Variants in B3GALT9 observed in about 807,000 individuals in gnomAD.
B3GALT9 encodes UDP-GlcNAc:betaGal beta-1,3-N-acetylglucosaminyltransferase 10 (putative).
At chr9:120,796,117 C>G (rs536238529) in intron 1 of B3GALT9, among the ~76,000 whole-genome samples, 26 of 152,216 alleles carry the variant, frequency 1.7e-4, no homozygotes, top group African/African-American at 5.5e-4. Flanking sequence ...TCCTCTATGT[C>G]TAGTACAGTT....
intron 1 of B3GALT9, 96 bp from the exon 2 acceptor site, chr9:120,796,327 A>T (rs928350837): frequency 2.0e-5 from 3 of 152,302 alleles, no homozygotes; most frequent in Non-Finnish European, 2.9e-5. Context: ...CATGAAGTAC[A>T]CAGGGTTGGA....
In B3GALT9 at chr9:120,801,023, C is replaced by G. The variant is rs1216175832; in HGVS notation, c.*1345C>G. Among the ~76,000 whole-genome samples the G allele has an allele frequency of 6.6e-6, 1 of 152,182 alleles. No homozygotes were observed. The highest frequency in any genetic ancestry group is 1.5e-5 in the Non-Finnish European group (1 of 68,046). ...GTAACATAATGCACTCCAGGTTCAT[C>G]CATGTTGTTGGAAATGACAGGATTT... On this transcript the variant is annotated 3_prime_UTR_variant, in exon 3 of 3. Transcript: ENST00000689072.
In B3GALT9 at chr9:120,799,583, G is replaced by A. The variant is rs1250699715; in HGVS notation, c.1015G>A (p.Glu339Lys). Residue 339 changes from glutamate (E) to lysine (K), a missense_variant, in exon 3 of 3, where the codon GAG (glutamate) becomes AAG (lysine). Coordinates refer to ENST00000689072, the MANE Select transcript of B3GALT9 (RefSeq NM_001386823.1). ...ATGTACACTGTTTGAGACATCCTAT[G>A]AGCTCATTTCCTGCAAACTTCTGAC... The part of the protein sequence containing the change: ...KECTLFETSY[E>K]LISCKLLTYL... 2 of 399,564 alleles carry A rather than the reference G, an allele frequency of 5.0e-6. No homozygotes were observed. Among genetic ancestry groups the A allele is most frequent in the East Asian group, 7.1e-5 (2 of 28,086 alleles). The allele number at this position is 399,564 out of a possible 1,614,324, so 24.8% of individuals were successfully genotyped here.
chr9:120,793,879 G>A lies in B3GALT9; in HGVS notation c.-225G>A. 2.6e-6 allele frequency: 1 copy of A among 382,164 alleles called. No individual in the cohort carries two copies. The highest frequency in any genetic ancestry group is 4.6e-6 in the Non-Finnish European group (1 of 216,364). 23.7% of individuals were successfully genotyped at this position (382,164 alleles called of 1,614,324 possible). On this transcript the variant is annotated 5_prime_UTR_variant, in exon 1 of 3. Coordinates refer to ENST00000689072, the MANE Select transcript of B3GALT9 (RefSeq NM_001386823.1). ...GCCTTACATCTATTAGGAGGAGGAA[G>A]ACAGATAAACTAAGGCTCGTGCAAA...
At chr9:120,796,794 C>G (rs924510991) in intron 2 of B3GALT9, among the ~76,000 whole-genome samples, 185 bp downstream of exon 2, 1 of 152,104 alleles carries the variant, frequency 6.6e-6, no homozygotes, top group Non-Finnish European at 1.5e-5. Flanking sequence ...CGGTGGCTCA[C>G]GCCTGTCATC....
At chr9:120,798,450 T>A in intron 2 of B3GALT9, 125 bp from the exon 3 acceptor site, 1 of 397,744 alleles carries the variant, frequency 2.5e-6, no homozygotes. Flanking sequence ...AGATAATATA[T>A]CACAATAAAC....
At position 120,799,264 on chromosome 9, in the gene B3GALT9, G is replaced by C. The variant is rs2044956606; in HGVS notation, c.696G>C (p.Glu232Asp). 2.5e-6 allele frequency: 1 copy of C among 399,384 alleles called. No individual in the cohort carries two copies. The highest frequency in any genetic ancestry group is 3.6e-5 in the East Asian group (1 of 28,078). 24.7% of individuals were successfully genotyped at this position (399,384 alleles called of 1,614,324 possible). A position where few individuals can be genotyped will look rare whatever the true frequency, so the allele number is the denominator to read the frequency against. ...PQNRDFVPLSEYPEKYYPDYC... is the reference protein window; with the variant it reads ...PQNRDFVPLSDYPEKYYPDYC... ...ACAGAGACTTTGTCCCTCTTAGTGA[G>C]TACCCAGAAAAATACTACCCAGATT... Residue 232 changes from glutamate to aspartate, a missense_variant, in exon 3 of 3, where the codon GAG becomes GAC. Transcript: ENST00000689072.
rs2044969213 is a variant in B3GALT9 at position 120,801,568 on chromosome 9, G to A, written c.*1890G>A. On this transcript the variant is annotated 3_prime_UTR_variant, in exon 3 of 3. Transcript: ENST00000689072. ...AGCCTGGCCAACAGGGTGAAACCCC[G>A]CCTCTACTAAACATACAAAAAATTA... 1.3e-5 allele frequency among the ~76,000 whole-genome samples: 2 copies of A among 152,144 alleles called. No individual in the cohort carries two copies. Among genetic ancestry groups the A allele is most frequent in the African/African-American group, 2.4e-5 (1 of 41,514 alleles).
rs1419117261 is a variant in B3GALT9, at chr9:120,800,126, T to C, written c.*448T>C. 1.3e-5 allele frequency among the ~76,000 whole-genome samples: 2 copies of C among 150,526 alleles called. No homozygotes were observed. Among genetic ancestry groups the C allele is most frequent in the African/African-American group, 4.9e-5 (2 of 40,888 alleles). On this transcript the variant is annotated 3_prime_UTR_variant, in exon 3 of 3. Transcript: ENST00000689072. ...CACCATACCCGGCTAATTTTTTTTT[T>C]TTTTTTTCGGAGACAGAGTCTTGCT...
rs1342308913 is a variant in B3GALT9, at chr9:120,799,223, A to G, written c.655A>G (p.Asn219Asp). 2 of 399,176 alleles carry G rather than the reference A, an allele frequency of 5.0e-6. No homozygotes were observed. Among genetic ancestry groups the G allele is most frequent in the Non-Finnish European group, 8.8e-6 (2 of 226,108 alleles). The allele number at this position is 399,176 out of a possible 1,614,324, so 24.7% of individuals were successfully genotyped here. ...VGRVLHQVTPNRDPQNRDFVP... is the reference protein window; with the variant it reads ...VGRVLHQVTPDRDPQNRDFVP... ...AAGAGTTCTTCATCAGGTTACACCCAATAGAGATCCTCAGAACAGAGACTT... is the reference window on the plus strand; with the variant it reads ...AAGAGTTCTTCATCAGGTTACACCCGATAGAGATCCTCAGAACAGAGACTT... The change falls in exon 3 of 3, where the codon AAT becomes GAT. Residue 219 changes from asparagine to aspartate, a missense_variant. By Grantham distance (23) the Asn-to-Asp change is conservative (BLOSUM62 1). Transcript: ENST00000689072.
chr9:120,797,559 A>G (rs1481341848), intron 2 of B3GALT9, among the ~76,000 whole-genome samples: 1 of 152,212 alleles, frequency 6.6e-6, no homozygotes, highest in African/African-American at 2.4e-5. Flanking sequence ...AGTTCAAATC[A>G]TGCCCTATCC....
Position 120,799,375 on chromosome 9 carries a change from A to C in B3GALT9, c.807A>C (p.Pro269=), listed in dbSNP as rs1353836105. 7.5e-6 allele frequency: 3 copies of C among 399,192 alleles called. No individual in the cohort carries two copies. Among genetic ancestry groups the C allele is most frequent in the African/African-American group, 4.1e-5 (2 of 48,618 alleles). The allele number at this position is 399,192 out of a possible 1,614,324, so 24.7% of individuals were successfully genotyped here. Residue 269 remains proline (P), a synonymous_variant, in exon 3 of 3, where the codon CCA becomes CCC. Transcript: ENST00000689072. ...VVFKEVPMMV[P]ADVFVGICAK... is the part of the protein sequence containing the mutation. ...TCAAAGAAGTACCCATGATGGTGCCAGCTGATGTGTTTGTAGGAATTTGTG... is the reference window on the plus strand; with the variant it reads ...TCAAAGAAGTACCCATGATGGTGCCCGCTGATGTGTTTGTAGGAATTTGTG...
Position 120,798,861 on chromosome 9 carries a change from C to G in B3GALT9, c.293C>G (p.Thr98Arg). Residue 98 changes from threonine to arginine, a missense_variant, in exon 3 of 3, where the codon ACA becomes AGA. Thr to Arg is a moderately conservative substitution (Grantham distance 71). Transcript: ENST00000689072. ...SLIFSSPGNG[T>R]RRDLIRKTWG... Reference sequence around the variant, plus strand: ...ATCTTCAGTAGCCCAGGAAATGGAACAAGACGGGACCTCATTAGGAAAACT... The same window carrying G: ...ATCTTCAGTAGCCCAGGAAATGGAAGAAGACGGGACCTCATTAGGAAAACT... 1 of 399,156 alleles carries G rather than the reference C, an allele frequency of 2.5e-6. No individual in the cohort carries two copies. 24.7% of individuals were successfully genotyped at this position (399,156 alleles called of 1,614,324 possible).
At chr9:120,794,342 CT>C (rs113250464) in intron 1 of B3GALT9, among the ~76,000 whole-genome samples, 322 of 144,476 alleles carry the variant, frequency 2.2e-3, no homozygotes, top group Non-Finnish European at 2.4e-3. Flanking sequence ...ACAAGTTATC[CT>C]TTTTTTTTTT....
rs765141122 is a variant in B3GALT9 at position 120,799,444 on chromosome 9, T to C, written c.876T>C (p.Ser292=). The C allele has an allele frequency of 2.5e-5, 10 of 399,182 alleles. No individual in the cohort carries two copies. The highest frequency in any genetic ancestry group is 4.0e-5 in the Non-Finnish European group (9 of 226,128). The allele number at this position is 399,182 out of a possible 1,614,324, so 24.7% of individuals were successfully genotyped here. The change falls in exon 3 of 3, where the codon TCT becomes TCC. Residue 292 remains serine, a synonymous_variant. Coordinates refer to ENST00000689072, the MANE Select transcript of B3GALT9 (RefSeq NM_001386823.1). ...GLIPIHSSRF[S]GKRHIRYNRC... ...TACCCATCCACAGCTCAAGGTTTTC[T>C]GGGAAAAGGCACATTAGATACAACA...
rs764417322 is a variant in B3GALT9 at position 120,801,664 on chromosome 9, C to T, written c.*1986C>T. Among the ~76,000 whole-genome samples, 11 of 152,176 alleles carry T rather than the reference C, an allele frequency of 7.2e-5. No homozygotes were observed. Among genetic ancestry groups the T allele is most frequent in the Non-Finnish European group, 1.3e-4 (9 of 68,026 alleles). On this transcript the variant is annotated 3_prime_UTR_variant, in exon 3 of 3. Transcript: ENST00000689072. ...CTGACACAGGAAAATCGCTTGAATC[C>T]AGGAGGTGGAGGTTGCAGTGAGCCG...
At chr9:120,794,954 T>C (rs924231783) in intron 1 of B3GALT9, among the ~76,000 whole-genome samples, 1 of 152,156 alleles carries the variant, frequency 6.6e-6, no homozygotes, top group African/African-American at 2.4e-5. Flanking sequence ...TCCAATAATA[T>C]AGACAATAAG....
chr9:120,799,219 A>G lies in B3GALT9; in HGVS notation c.651A>G (p.Thr217=). The G allele has an allele frequency of 2.5e-6, 1 of 399,078 alleles. No individual in the cohort carries two copies. Among genetic ancestry groups the G allele is most frequent in the Non-Finnish European group, 4.4e-6 (1 of 226,092 alleles). The allele number at this position is 399,078 out of a possible 1,614,324, so 24.7% of individuals were successfully genotyped here. A position where few individuals can be genotyped will look rare whatever the true frequency, so the allele number is the denominator to read the frequency against. ...TAGGAAGAGTTCTTCATCAGGTTAC[A>G]CCCAATAGAGATCCTCAGAACAGAG... is the stretch of plus-strand genomic sequence containing the variant. The part of the protein sequence containing the change: ...IYVGRVLHQV[T]PNRDPQNRDF... Residue 217 remains threonine, a synonymous_variant, in exon 3 of 3, where the codon ACA becomes ACG. Transcript: ENST00000689072.
chr9:120,795,750 A>G (rs929739718), intron 1 of B3GALT9, among the ~76,000 whole-genome samples: 2 of 152,246 alleles, frequency 1.3e-5, no homozygotes, highest in African/African-American at 4.8e-5. Context: ...AATGCTCAGT[A>G]TAATTGCTTG....
Sources: gnomAD v4.1 joint callset for allele counts (sites outside exome capture counted in the v4.1 genomes callset) on GRCh38, gnomAD v4.1.1 for gene constraint, MANE v1.5 for transcripts, NCBI Gene and HGNC (gene_info 2026-07-23, HGNC 2026-07-21) for gene names.